ALG14: variants seen among roughly 807,000 people sequenced by gnomAD.
ALG14 encodes ALG14 UDP-N-acetylglucosaminyltransferase subunit.
Under a neutral mutation model 22.8 loss-of-function variants are expected in ALG14, and 17 were observed. The ratio of observed to expected loss-of-function variants is 0.75; its 90% CI spans 0.51 to 1.12. ALG14 has a LOEUF of 1.12. ALG14 is among the 50% of genes most tolerant of loss of function. The pLI is 0.00. For missense variants in ALG14, 288 were observed against 271.8 expected (o/e 1.06, Z -0.42); for synonymous variants, 89 against 103.7 (o/e 0.86, Z 0.86).
rs578219574 is a variant in ALG14, at chr1:95,015,243, G to A, written c.420+11886C>T. On this transcript the variant is annotated intron_variant, in intron 3 of 3. Coordinates refer to ENST00000370205, the MANE Select transcript of ALG14 (RefSeq NM_144988.4). Reference sequence around the variant, plus strand: ...GAGATCTGCAGGGAGCTGGGACTGGGTGCTGCTAATTTCCATCTGGTAGAA... The same window carrying A: ...GAGATCTGCAGGGAGCTGGGACTGGATGCTGCTAATTTCCATCTGGTAGAA... Among the ~76,000 whole-genome samples the A allele has an allele frequency of 3.9e-5, 6 of 152,244 alleles. No homozygotes were observed. The East Asian group carries it at 1.2e-3, about 29-fold the overall frequency.
intron 3 of ALG14, among the ~76,000 whole-genome samples, chr1:95,006,601 T>A (rs993311837): frequency 1.3e-5 from 2 of 152,244 alleles, no homozygotes; most frequent in African/African-American, 4.8e-5. Flanking sequence ...TCCGTTAGAA[T>A]AACTCCAGAA....
chr1:95,028,036 G>C (rs1366217798), intron 2 of ALG14, among the ~76,000 whole-genome samples: 1 of 152,200 alleles, frequency 6.6e-6, no homozygotes, highest in Non-Finnish European at 1.5e-5. Context: ...TCGTATGGAA[G>C]ATATCCCAAG....
intron 3 of ALG14, among the ~76,000 whole-genome samples, chr1:95,000,938 T>G (rs1011142997): frequency 6.6e-6 from 1 of 152,230 alleles, no homozygotes; most frequent in Non-Finnish European, 1.5e-5. Context: ...TAACACACAC[T>G]CATATTCTTT....
intron 2 of ALG14, among the ~76,000 whole-genome samples, chr1:95,053,134 T>A (rs1674808933): frequency 6.6e-6 from 1 of 152,162 alleles, no homozygotes; most frequent in South Asian, 2.1e-4. Flanking sequence ...AATTCTGCTA[T>A]ATGTCATTTA....
chr1:95,053,925 C>T (rs1674840347), intron 2 of ALG14, among the ~76,000 whole-genome samples: 1 of 152,080 alleles, frequency 6.6e-6, no homozygotes, highest in Non-Finnish European at 1.5e-5. Flanking sequence ...CAACAAATAC[C>T]AAGGAACTTC....
At position 95,027,147 on chromosome 1, in the gene ALG14, G is replaced by A; in HGVS notation, c.402C>T (p.His134=). Residue 134 remains histidine (H), a synonymous_variant, in exon 3 of 4, where the codon CAC becomes CAT. Transcript: ENST00000370205. ...HSMWLSFPLI[H]RVKPDLVLCN... ...TACTTACCAAATCTGGCTTCACCCTGTGAATTAGGGGAAAGGAGAGCCACA... is the reference window on the plus strand; with the variant it reads ...TACTTACCAAATCTGGCTTCACCCTATGAATTAGGGGAAAGGAGAGCCACA... 1 of 1,614,068 alleles carries A rather than the reference G, an allele frequency of 6.2e-7. No individual in the cohort carries two copies. Among genetic ancestry groups the A allele is most frequent in the African/African-American group, 1.3e-5 (1 of 75,040 alleles).
chr1:95,035,553 G>A (rs1471516720), intron 2 of ALG14, among the ~76,000 whole-genome samples: 1 of 152,186 alleles, frequency 6.6e-6, no homozygotes, highest in Non-Finnish European at 1.5e-5. Flanking sequence ...AAAAAACAGA[G>A]AAATGGATTT....
intron 3 of ALG14, among the ~76,000 whole-genome samples, chr1:95,009,097 A>C (rs1363218607): frequency 6.6e-6 from 1 of 152,062 alleles, no homozygotes; most frequent in Non-Finnish European, 1.5e-5. Flanking sequence ...CTTGTGAATA[A>C]TGCTGCTATG....
At chr1:95,047,166 A>G (rs1188906853) in intron 2 of ALG14, among the ~76,000 whole-genome samples, 1 of 152,050 alleles carries the variant, frequency 6.6e-6, no homozygotes, top group Non-Finnish European at 1.5e-5. Flanking sequence ...AAAACACCCA[A>G]CACTGTCTCT....
At chr1:95,009,091 T>G (rs966079618) in intron 3 of ALG14, among the ~76,000 whole-genome samples, 5 of 152,250 alleles carry the variant, frequency 3.3e-5, no homozygotes, top group African/African-American at 1.2e-4. Flanking sequence ...TTTTGACTTG[T>G]GAATAATGCT....
intron 3 of ALG14, among the ~76,000 whole-genome samples, chr1:95,024,793 T>C (rs551519288): frequency 1.3e-5 from 2 of 152,350 alleles, no homozygotes; most frequent in South Asian, 4.1e-4. Context: ...CTTCAGGCTC[T>C]ACTTCTAATT....
In ALG14 at chr1:95,016,853, A is replaced by G. The variant is rs571619713; in HGVS notation, c.420+10276T>C. 5.3e-5 allele frequency among the ~76,000 whole-genome samples: 8 copies of G among 152,190 alleles called. No homozygotes were observed. The South Asian group carries it at 1.5e-3, about 28-fold the overall frequency. On this transcript the variant is annotated intron_variant, in intron 3 of 3. Transcript: ENST00000370205. ...ATGAAACCACCAGAGGTAAGAGACC[A>G]CAGAGAGGATAGCCTAGACAGGTAG... is the stretch of plus-strand genomic sequence containing the variant.
At position 95,056,746 on chromosome 1, in the gene ALG14, GA is replaced by G. The variant is rs1160274423; in HGVS notation, c.288+8119del. ...AAAATATAAATTTGGATTCCTAAAG[GA>G]AAATATAAACATTAAAATCTAAAAC... On this transcript the variant is annotated intron_variant, in intron 2 of 3. Coordinates refer to ENST00000370205, the MANE Select transcript of ALG14 (RefSeq NM_144988.4). Among the ~76,000 whole-genome samples, 451 of 151,914 alleles carry G rather than the reference GA, an allele frequency of 3.0e-3. 18 individuals carry two copies. The East Asian group carries it at 0.086, about 29-fold the overall frequency.
chr1:95,018,487 G>A (rs926665138), intron 3 of ALG14, among the ~76,000 whole-genome samples: 12 of 152,050 alleles, frequency 7.9e-5, no homozygotes, highest in Non-Finnish European at 1.8e-4. Context: ...AGTAAGCCGA[G>A]CTCATGTCAA....
At chr1:95,066,111 A>G (rs1052883665) in intron 1 of ALG14, among the ~76,000 whole-genome samples, 2 of 152,016 alleles carry the variant, frequency 1.3e-5, no homozygotes, top group Non-Finnish European at 2.9e-5. Context: ...CCCTACCTAC[A>G]AGGCTTCCTC....
intron 3 of ALG14, among the ~76,000 whole-genome samples, chr1:94,987,359 T>C (rs1672670632): frequency 6.6e-6 from 1 of 152,238 alleles, no homozygotes; most frequent in African/African-American, 2.4e-5. Flanking sequence ...CTGACTAGCC[T>C]CTGACCATGT....
rs923861705 is a variant in ALG14, at chr1:95,000,778, A to G, written c.421-17472T>C. ...AGCTTTAGGACCAATATGCCACACT[A>G]AAAAAAAAAAAAAAAAAAAAAAGGA... On this transcript the variant is annotated intron_variant, in intron 3 of 3. Transcript: ENST00000370205. Among the ~76,000 whole-genome samples, 9 of 77,742 alleles carry G rather than the reference A, an allele frequency of 1.2e-4. No individual in the cohort carries two copies. The East Asian group carries it at 2.6e-3, about 22-fold the overall frequency. The allele number at this position is 77,742 out of a possible 152,430, so 51.0% of individuals were successfully genotyped here.
intron 2 of ALG14, among the ~76,000 whole-genome samples, chr1:95,060,582 A>G (rs1166150953): frequency 1.3e-5 from 2 of 151,646 alleles, no homozygotes; most frequent in Non-Finnish European, 2.9e-5. Context: ...CAGACATGAT[A>G]GTAGGCACCT....
intron 3 of ALG14, among the ~76,000 whole-genome samples, chr1:95,016,754 A>G (rs551460152): frequency 2.0e-5 from 3 of 152,240 alleles, no homozygotes; most frequent in African/African-American, 7.2e-5. Flanking sequence ...CAGCACTGCT[A>G]CTGCCCACTC....
Sources: gnomAD v4.1 joint callset for allele counts (sites outside exome capture counted in the v4.1 genomes callset) on GRCh38, gnomAD v4.1.1 for gene constraint, MANE v1.5 for transcripts, NCBI Gene and HGNC (gene_info 2026-07-23, HGNC 2026-07-21) for gene names.